The following POLQ variants were observed in gnomAD, a reference collection of about 807,000 sequenced individuals.
POLQ encodes epididymis secretory sperm binding protein.
A neutral mutation model predicts 259.2 loss-of-function variants in POLQ; 233 were observed. That is an observed-to-expected ratio of 0.90 (90% CI 0.81 to 1.00). The LOEUF (loss-of-function observed/expected upper bound fraction) is 1.00. Ranked by LOEUF, POLQ falls within the 50% of genes least tolerant of loss-of-function variation. POLQ has a pLI of 0.00. For synonymous variants in POLQ, 1,025 were observed against 1,048.8 expected, an observed-to-expected ratio of 0.98 and a Z score of 0.44; for missense variants, 2,871 against 3,051.6, an observed-to-expected ratio of 0.94 and a Z score of 1.39.
intron 7 of POLQ, among the ~76,000 whole-genome samples, chr3:121,524,146 AATG>A (rs142782993): frequency 6.6e-6 from 1 of 152,320 alleles, no homozygotes; most frequent in African/African-American, 2.4e-5. Context: ...AAGAAAAGAA[AATG>A]ATGATGATTC....
chr3:121,523,632 T>C (rs2048353497), intron 7 of POLQ, among the ~76,000 whole-genome samples: 1 of 152,092 alleles, frequency 6.6e-6, no homozygotes. Flanking sequence ...GGAGGATCAC[T>C]TGAGCCCATG....
intron 9 of POLQ, among the ~76,000 whole-genome samples, chr3:121,518,111 A>G (rs936326279): frequency 6.6e-5 from 10 of 152,242 alleles, no homozygotes; most frequent in Non-Finnish European, 1.3e-4. Flanking sequence ...TCATCACTTC[A>G]TCAATACAAA....
intron 25 of POLQ, among the ~76,000 whole-genome samples, chr3:121,455,517 T>A: frequency 3.8e-5 from 4 of 105,100 alleles, no homozygotes; most frequent in African/African-American, 1.1e-4. Context: ...GAGAGAAGAA[T>A]CAAATAGACA....
At chr3:121,500,943 GA>G (rs549241252) in intron 12 of POLQ, among the ~76,000 whole-genome samples, 43 of 151,490 alleles carry the variant, frequency 2.8e-4, no homozygotes, top group African/African-American at 4.4e-4. Flanking sequence ...ACTGCTCAAA[GA>G]AAAAAAAATC....
rs915477975 is a variant in POLQ at position 121,487,347 on chromosome 3, A to C, written c.5584T>G (p.Leu1862Val). The C allele has an allele frequency of 5.6e-6, 9 of 1,610,838 alleles. No homozygotes were observed. Among genetic ancestry groups the C allele is most frequent in the Non-Finnish European group, 7.6e-6 (9 of 1,178,916 alleles). The change falls in exon 16 of 30, where the codon TTG becomes GTG. Residue 1862 changes from leucine to valine, a missense_variant. This residue lies in a region of POLQ where 2,080 missense variants were observed against 2,126.0 expected (regional missense o/e 0.98). Transcript: ENST00000264233. ...ISLACEKIRS[L>V]TSSKTATIGS... is the part of the protein sequence containing the mutation. Reference sequence around the variant, plus strand: ...ATAGTAGCAGTTTTAGAAGATGTCAAACTTCTAATCTTTTCACAAGCCAGT... The same window carrying C: ...ATAGTAGCAGTTTTAGAAGATGTCACACTTCTAATCTTTTCACAAGCCAGT...
At chr3:121,538,978 G>A (rs1465349446) in intron 4 of POLQ, among the ~76,000 whole-genome samples, 1 of 152,096 alleles carries the variant, frequency 6.6e-6, no homozygotes, top group East Asian at 1.9e-4. Flanking sequence ...ACAATCCCAA[G>A]CTCAAATAGA....
At chr3:121,436,374 C>G in intron 27 of POLQ, 99 bp from the exon 28 acceptor site, 1 of 1,144,882 alleles carries the variant, frequency 8.7e-7, no homozygotes. Context: ...TGCAGCCAGA[C>G]TGGAAAGCTG....
intron 25 of POLQ, among the ~76,000 whole-genome samples, chr3:121,456,449 G>C (rs553970878): frequency 6.6e-6 from 1 of 152,264 alleles, no homozygotes; most frequent in East Asian, 1.9e-4. Context: ...AATTGTCCCT[G>C]TTTGCAGATG....
chr3:121,433,233 A>G (rs2047515823), intron 28 of POLQ, among the ~76,000 whole-genome samples, 200 bp from the exon 29 acceptor site: 1 of 152,178 alleles, frequency 6.6e-6, no homozygotes, highest in Non-Finnish European at 1.5e-5. Context: ...TCCTCCTAGA[A>G]AGAAGGAGTC....
rs1269847932 is a variant in POLQ, at chr3:121,472,065, G to A, written c.6643C>T (p.Gln2215Ter). The change falls in exon 22 of 30, where the codon CAG becomes TAG. Residue 2215 changes from glutamine to a stop codon, truncating the protein, a stop_gained. Transcript: ENST00000264233. LOFTEE classifies it high-confidence loss of function. Reference protein sequence around the residue: ...NAITKVVFPLQREKCLNPFLG... With the variant: ...NAITKVVFPL ...AAAGGATTAAGACACTTTTCCCGCT[G>A]AAGGGGAAAGACCACTTTGGTAATA... 1.3e-6 allele frequency: 2 copies of A among 1,584,792 alleles called. No individual in the cohort carries two copies. Among genetic ancestry groups the A allele is most frequent in the Non-Finnish European group, 1.7e-6 (2 of 1,157,426 alleles).
At chr3:121,519,359 G>GATATATATATATATATAT (rs58512042) in intron 9 of POLQ, among the ~76,000 whole-genome samples, 10 of 136,694 alleles carry the variant, frequency 7.3e-5, no homozygotes, top group South Asian at 2.4e-4. Context: ...AACAGTTGAT[G>GATATATATATATATATAT]ATATATATAT....
chr3:121,440,321 T>C (rs557273735), intron 26 of POLQ, among the ~76,000 whole-genome samples: 140 of 152,282 alleles, frequency 9.2e-4, no homozygotes, highest in African/African-American at 3.1e-3. Context: ...AATGAAATAC[T>C]CTAACTCTTT....
At position 121,463,352 on chromosome 3, in the gene POLQ, C is replaced by T. The variant is rs139310064; in HGVS notation, c.6968-3118G>A. On this transcript the variant is annotated intron_variant, in intron 24 of 29. Transcript: ENST00000264233. ...TCTTCCACCATGATTGTGAGGCCTC[C>T]CCAGCAATGTGGAACTGTGAGTCCA... Among the ~76,000 whole-genome samples the T allele has an allele frequency of 4.9e-3, 752 of 152,246 alleles. 11 individuals carry two copies. The highest frequency in any genetic ancestry group is 0.017 in the African/African-American group (698 of 41,538).
chr3:121,465,778 G>A (rs969717413), intron 24 of POLQ, among the ~76,000 whole-genome samples: 1 of 152,110 alleles, frequency 6.6e-6, no homozygotes, highest in East Asian at 1.9e-4. Context: ...CTGACTGGCT[G>A]TTCCCCCACC....
At chr3:121,459,662 T>C (rs543399022) in intron 25 of POLQ, among the ~76,000 whole-genome samples, 1 of 152,302 alleles carries the variant, frequency 6.6e-6, no homozygotes, top group South Asian at 2.1e-4. Flanking sequence ...ATTACAGGCG[T>C]GAGCCACCGC....
At chr3:121,471,451 C>A (rs1046147523) in intron 22 of POLQ, among the ~76,000 whole-genome samples, 33 of 152,082 alleles carry the variant, frequency 2.2e-4, no homozygotes, top group African/African-American at 8.0e-4. Context: ...TTCTTAAAAG[C>A]AGGAACCAGG....
chr3:121,448,428 C>T (rs909570347), intron 26 of POLQ, among the ~76,000 whole-genome samples: 4 of 151,808 alleles, frequency 2.6e-5, no homozygotes, highest in East Asian at 1.9e-4. Flanking sequence ...AGTGCAATGG[C>T]GTGATCTCGG....
At chr3:121,521,079 G>A (rs2048332810) in intron 8 of POLQ, among the ~76,000 whole-genome samples, 1 of 152,124 alleles carries the variant, frequency 6.6e-6, no homozygotes, top group Non-Finnish European at 1.5e-5. Context: ...CTGTGTGTGT[G>A]TATATAGTAG....
At chr3:121,487,154 G>A (rs1457336797) in intron 16 of POLQ, 148 bp downstream of exon 16, 1 of 517,978 alleles carries the variant, frequency 1.9e-6, no homozygotes, top group East Asian at 3.1e-5. Flanking sequence ...GAATAAATAA[G>A]GCTGTTCTAC....
Sources: gnomAD v4.1 joint callset for allele counts (sites outside exome capture counted in the v4.1 genomes callset) on GRCh38, gnomAD v4.1.1 for gene constraint, gnomAD v4.1.1 regional missense constraint, MANE v1.5 for transcripts, NCBI Gene and HGNC (gene_info 2026-07-23, HGNC 2026-07-21) for gene names.